KDM4C: variants seen among roughly 807,000 people sequenced by gnomAD.
KDM4C encodes lysine-specific demethylase 4C.
A neutral mutation model predicts 129.3 loss-of-function variants in KDM4C; 81 were observed. The observed-to-expected ratio is 0.63, with a 90% CI of 0.52 to 0.75. The LOEUF is 0.75. Ranked by LOEUF, KDM4C falls within the 30% of genes least tolerant of loss-of-function variation. The pLI, the probability that KDM4C is intolerant of heterozygous loss-of-function variation, is 0.00. For missense variants in KDM4C, 1,457 were observed against 1,304.0 expected (o/e 1.12, Z -1.81); for synonymous variants, 573 against 456.1 (o/e 1.26, Z -3.26).
chr9:7,032,430 A>G (rs1220633535), intron 15 of KDM4C, among the ~76,000 whole-genome samples: 2 of 152,236 alleles, frequency 1.3e-5, no homozygotes, highest in Non-Finnish European at 2.9e-5. Flanking sequence ...GAAATTACCA[A>G]GCATTTGTCT....
At chr9:7,020,395 A>G (rs767415861) in intron 15 of KDM4C, among the ~76,000 whole-genome samples, 2 of 152,170 alleles carry the variant, frequency 1.3e-5, no homozygotes, top group South Asian at 4.1e-4. Context: ...AATAGGCACA[A>G]CTATCTGACA....
At chr9:7,028,901 G>A (rs865939193) in intron 15 of KDM4C, among the ~76,000 whole-genome samples, 19 of 151,034 alleles carry the variant, frequency 1.3e-4, no homozygotes, top group African/African-American at 3.7e-4. Flanking sequence ...CCATGTGACC[G>A]TTGCCAGGGG....
At chr9:7,156,667 G>A (rs1843202814) in intron 19 of KDM4C, among the ~76,000 whole-genome samples, 1 of 152,158 alleles carries the variant, frequency 6.6e-6, no homozygotes, top group African/African-American at 2.4e-5. Context: ...GGTTTTAGAT[G>A]TGTGGTGTTA....
chr9:6,733,578 C>T, intron 1 of KDM4C, among the ~76,000 whole-genome samples: 1 of 152,190 alleles, frequency 6.6e-6, no homozygotes, highest in East Asian at 1.9e-4. Flanking sequence ...TACCTTGACT[C>T]TACTTCCTTT....
intron 5 of KDM4C, among the ~76,000 whole-genome samples, chr9:6,870,306 C>T (rs1015009219): frequency 6.6e-6 from 1 of 152,008 alleles, no homozygotes; most frequent in Non-Finnish European, 1.5e-5. Context: ...GGCCCTGTCA[C>T]TTCTTTCCTT....
chr9:6,801,421 T>C (rs916371455), intron 2 of KDM4C, among the ~76,000 whole-genome samples: 4 of 151,486 alleles, frequency 2.6e-5, no homozygotes, highest in African/African-American at 9.7e-5. Flanking sequence ...TTTTTTTTAG[T>C]GGAGACGGGG....
intron 5 of KDM4C, among the ~76,000 whole-genome samples, chr9:6,856,196 T>A (rs556222402): frequency 2.0e-5 from 3 of 152,150 alleles, no homozygotes; most frequent in Non-Finnish European, 4.4e-5. Flanking sequence ...CTAAGAACAT[T>A]AGGGATTAGG....
intron 12 of KDM4C, among the ~76,000 whole-genome samples, chr9:7,007,801 A>T (rs1027961431): frequency 6.6e-6 from 1 of 152,206 alleles, no homozygotes; most frequent in African/African-American, 2.4e-5. Context: ...AATTTAAATT[A>T]TATTAATTCA....
chr9:7,145,975 A>G (rs1433644749), intron 19 of KDM4C, among the ~76,000 whole-genome samples: 1 of 152,254 alleles, frequency 6.6e-6, no homozygotes, highest in Non-Finnish European at 1.5e-5. Flanking sequence ...CAGTGCCCCA[A>G]ACACAATCTG....
rs12339282 is a variant in KDM4C at position 6,995,885 on chromosome 9, A to C, written c.1786+5361A>C. Among the ~76,000 whole-genome samples the C allele has an allele frequency of 1.7e-3, 224 of 135,668 alleles. 2 individuals are homozygous for C. In the East Asian group the frequency reaches 0.022, roughly 13 times the overall value. 89.0% of individuals were successfully genotyped at this position (135,668 alleles called of 152,430 possible). A position where few individuals can be genotyped will look rare whatever the true frequency, so the allele number is the denominator to read the frequency against. ...ATGGGGTTTCACTGTGTTAGCCAGGATGGTCTCGATCTGACCTCGTGATCT... is the reference window on the plus strand; with the variant it reads ...ATGGGGTTTCACTGTGTTAGCCAGGCTGGTCTCGATCTGACCTCGTGATCT... On this transcript the variant is annotated intron_variant, in intron 12 of 21. Coordinates refer to ENST00000381309, the MANE Select transcript of KDM4C (RefSeq NM_015061.6).
At chr9:6,806,100 T>C (rs1417697589) in intron 3 of KDM4C, among the ~76,000 whole-genome samples, 1 of 152,222 alleles carries the variant, frequency 6.6e-6, no homozygotes, top group East Asian at 1.9e-4. Flanking sequence ...GTTTAAGCCT[T>C]AAATGATTTA....
At chr9:7,122,661 A>G (rs932094872) in intron 18 of KDM4C, among the ~76,000 whole-genome samples, 4 of 152,188 alleles carry the variant, frequency 2.6e-5, no homozygotes, top group Non-Finnish European at 4.4e-5. Context: ...TATCGTTCCT[A>G]GGAATTATTT....
intron 4 of KDM4C, among the ~76,000 whole-genome samples, chr9:6,820,850 C>G (rs2131214553): frequency 6.6e-6 from 1 of 151,906 alleles, no homozygotes; most frequent in East Asian, 1.9e-4. Context: ...AGATATTTCT[C>G]CTAATGCTAT....
intron 21 of KDM4C, chr9:7,170,351 T>C (rs1052985340): frequency 9.8e-7 from 1 of 1,016,224 alleles, no homozygotes; most frequent in Non-Finnish European, 1.2e-6. Context: ...AAGTTACTGA[T>C]GTTTGTGTCA....
chr9:7,055,514 C>T (rs1002786789), intron 17 of KDM4C, among the ~76,000 whole-genome samples: 1 of 152,196 alleles, frequency 6.6e-6, no homozygotes, highest in South Asian at 2.1e-4. Context: ...TGAGACCATA[C>T]TATTCTGCTT....
intron 12 of KDM4C, among the ~76,000 whole-genome samples, chr9:7,008,878 C>G (rs923671485): frequency 6.6e-6 from 1 of 152,198 alleles, no homozygotes; most frequent in Non-Finnish European, 1.5e-5. Flanking sequence ...TTTGGATGGA[C>G]TGACTGGTGA....
At chr9:7,139,323 G>A (rs1841515401) in intron 19 of KDM4C, among the ~76,000 whole-genome samples, 1 of 152,120 alleles carries the variant, frequency 6.6e-6, no homozygotes, top group African/African-American at 2.4e-5. Flanking sequence ...TGCCTTATGT[G>A]TTATATTATC....
At chr9:6,887,504 A>T (rs753183008) in intron 6 of KDM4C, among the ~76,000 whole-genome samples, 3 of 151,970 alleles carry the variant, frequency 2.0e-5, no homozygotes, top group Non-Finnish European at 4.4e-5. Flanking sequence ...TGGGGGAACT[A>T]CTCTGTCTGC....
At chr9:6,954,223 C>G (rs553588216) in intron 8 of KDM4C, among the ~76,000 whole-genome samples, 1 of 152,192 alleles carries the variant, frequency 6.6e-6, no homozygotes, top group Non-Finnish European at 1.5e-5. Flanking sequence ...GCAGGGCTGC[C>G]TTTCCCATGC....
Sources: allele counts gnomAD v4.1 joint callset (sites outside exome capture counted in the v4.1 genomes callset), GRCh38; gene constraint gnomAD v4.1.1; transcripts MANE v1.5; gene names NCBI Gene and HGNC (gene_info 2026-07-23, HGNC 2026-07-21).